The following ITGB2 variants were observed in gnomAD, a reference collection of about 807,000 sequenced individuals.
ITGB2 encodes integrin subunit beta 2.
Under a neutral mutation model 86.8 loss-of-function variants are expected in ITGB2, and 56 were observed. That is an observed-to-expected ratio of 0.65 (90% CI 0.52 to 0.81). The LOEUF (loss-of-function observed/expected upper bound fraction) is 0.81, where lower values mean the gene tolerates loss of function less well. ITGB2 is among the 30% of genes least tolerant of loss of function. ITGB2 has a pLI of 0.00. For missense variants in ITGB2, 948 were observed against 1,061.2 expected (o/e 0.89, Z 1.48); for synonymous variants, 457 against 450.4 (o/e 1.01, Z -0.19).
Position 44,893,456 on chromosome 21 carries a change from G to A in ITGB2, c.1172C>T (p.Thr391Met), listed in dbSNP as rs141201564. The A allele has an allele frequency of 6.3e-4, 1,011 of 1,614,170 alleles. No homozygotes were observed. The highest frequency in any genetic ancestry group is 6.0e-3 in the African/African-American group (451 of 75,056). ...TYDSFCSNGV[T>M]HRNQPRGDCD... Reference sequence around the variant, plus strand: ...GTCACCTCTGGGCTGGTTCCTGTGCGTCACTCCATTGCTGCAGAAGGAGTC... The same window carrying A: ...GTCACCTCTGGGCTGGTTCCTGTGCATCACTCCATTGCTGCAGAAGGAGTC... The change falls in exon 10 of 16, where the codon ACG (threonine) becomes ATG (methionine). Residue 391 changes from threonine to methionine, a missense_variant. Transcript: ENST00000652462.
chr21:44,916,798 G>A (rs995526699), intron 1 of ITGB2, among the ~76,000 whole-genome samples: 13 of 151,784 alleles, frequency 8.6e-5, no homozygotes, highest in African/African-American at 3.1e-4. Flanking sequence ...AGCCCGGGAG[G>A]CAGAGGGTGC....
intron 1 of ITGB2, among the ~76,000 whole-genome samples, chr21:44,920,090 T>C (rs1445956171): frequency 6.6e-6 from 1 of 151,922 alleles, no homozygotes; most frequent in Non-Finnish European, 1.5e-5. Context: ...CACCCAGGGG[T>C]CCCCACGGAG....
upstream of ITGB2, chr21:44,921,189 C>G (rs1416715143): frequency 6.6e-6 from 1 of 152,320 alleles, no homozygotes; most frequent in Non-Finnish European, 1.5e-5. Context: ...AAGAAGAACA[C>G]AGAGGCCATG....
In ITGB2 at chr21:44,890,230, C is replaced by T. The variant is rs375743879; in HGVS notation, c.1413-8G>A. On this transcript the variant is annotated splice_region_variant and splice_polypyrimidine_tract_variant and intron_variant, in intron 11 of 15. Coordinates refer to ENST00000652462, the MANE Select transcript of ITGB2 (RefSeq NM_000211.5). ...ATGTAGCCAGTGTCACACCTGGGGACAGGAGGGGCCCCAAGGTCAGGCTCC... is the reference window on the plus strand; with the variant it reads ...ATGTAGCCAGTGTCACACCTGGGGATAGGAGGGGCCCCAAGGTCAGGCTCC... 930 of 1,612,944 alleles carry T rather than the reference C, an allele frequency of 5.8e-4. No homozygotes were observed. Among genetic ancestry groups the T allele is most frequent in the Non-Finnish European group, 7.1e-4 (843 of 1,179,996 alleles).
intron 2 of ITGB2, 157 bp from the exon 3 acceptor site, chr21:44,910,529 G>A (rs2084114829): frequency 6.7e-7 from 1 of 1,486,778 alleles, no homozygotes; most frequent in Non-Finnish European, 9.2e-7. Flanking sequence ...GTGCAAAGAG[G>A]GGCCCTCGGG....
chr21:44,899,289 G>C (rs1601299845), intron 7 of ITGB2, 127 bp from the exon 8 acceptor site: 1 of 740,156 alleles, frequency 1.4e-6, no homozygotes, highest in East Asian at 2.7e-5. Context: ...GAAGGCTGGA[G>C]AGGCAGAGGC....
intron 7 of ITGB2, among the ~76,000 whole-genome samples, chr21:44,899,800 C>T (rs891273021): frequency 1.5e-4 from 23 of 152,358 alleles, no homozygotes; most frequent in African/African-American, 4.8e-4. Flanking sequence ...GGCTCCTTCT[C>T]GCCTCTGTCC....
At chr21:44,892,358 G>A (rs555513516) in intron 10 of ITGB2, among the ~76,000 whole-genome samples, 3 of 149,598 alleles carry the variant, frequency 2.0e-5, no homozygotes, top group South Asian at 4.3e-4. Context: ...CGCGGCTCAC[G>A]CCTGTAATCC....
intron 1 of ITGB2, among the ~76,000 whole-genome samples, chr21:44,911,950 C>T (rs1298507774): frequency 6.6e-6 from 1 of 152,120 alleles, no homozygotes; most frequent in East Asian, 1.9e-4. Context: ...CCTCCCAGGA[C>T]CTGAGAACAT....
intron 8 of ITGB2, among the ~76,000 whole-genome samples, chr21:44,896,484 G>A (rs924935672): frequency 1.3e-5 from 2 of 152,202 alleles, no homozygotes; most frequent in Non-Finnish European, 2.9e-5. Context: ...CCAGGAACAC[G>A]GAGCAGATGG....
At chr21:44,905,387 A>G (rs183038769) in intron 4 of ITGB2, among the ~76,000 whole-genome samples, 3 of 151,994 alleles carry the variant, frequency 2.0e-5, no homozygotes, top group Non-Finnish European at 4.4e-5. Flanking sequence ...CACAGTGGGG[A>G]TGCATGCCAG....
chr21:44,894,989 G>C lies in ITGB2; in HGVS notation c.1065C>G (p.Leu355=). The C allele has an allele frequency of 6.2e-7, 1 of 1,610,774 alleles. No individual in the cohort carries two copies. The highest frequency in any genetic ancestry group is 8.5e-7 in the Non-Finnish European group (1 of 1,177,046). The change falls in exon 9 of 16, where the codon CTC becomes CTG. Residue 355 remains leucine, a synonymous_variant. Coordinates refer to ENST00000652462, the MANE Select transcript of ITGB2 (RefSeq NM_000211.5). ...GACTCACATTGTAAGCATTCTTAAT[G>C]AGATGGACCACATTGCTGGAGTCCT... ...LSEDSSNVVH[L]IKNAYNKLSS...
chr21:44,905,284 C>T (rs969490187), intron 4 of ITGB2, among the ~76,000 whole-genome samples: 3 of 152,134 alleles, frequency 2.0e-5, no homozygotes, highest in African/African-American at 7.2e-5. Context: ...CTGTTAAGAT[C>T]TCTCCCTGGT....
At chr21:44,888,429 AGTG>A (rs2083730361) in intron 14 of ITGB2, among the ~76,000 whole-genome samples, 1 of 152,122 alleles carries the variant, frequency 6.6e-6, no homozygotes, top group Admixed American at 6.5e-5. Context: ...GGTGTGGAGC[AGTG>A]GTGCCCCCAG....
At chr21:44,907,171 T>C in intron 3 of ITGB2, 76 bp from the exon 4 acceptor site, 12 of 1,133,020 alleles carry the variant, frequency 1.1e-5, no homozygotes, top group Non-Finnish European at 1.5e-5. Context: ...CATGGAGGAC[T>C]GAGGACCCAC....
Position 44,910,279 on chromosome 21 carries a change from C to G in ITGB2, c.147+5G>C. On this transcript the variant is annotated splice_donor_5th_base_variant and intron_variant, in intron 3 of 15. Transcript: ENST00000652462. Reference sequence around the variant, plus strand: ...CAGGTGGGGAGGGGTCCAGGAGGCACTTACCAGCTTCTGGCACCAGGTGCA... The same window carrying G: ...CAGGTGGGGAGGGGTCCAGGAGGCAGTTACCAGCTTCTGGCACCAGGTGCA... The G allele has an allele frequency of 6.2e-7, 1 of 1,613,748 alleles. No individual in the cohort carries two copies. The highest frequency in any genetic ancestry group is 8.5e-7 in the Non-Finnish European group (1 of 1,179,902).
chr21:44,886,679 G>C (rs33973568), intron 15 of ITGB2, 57 bp downstream of exon 15: 1 of 1,605,950 alleles, frequency 6.2e-7, no homozygotes. Flanking sequence ...GCAGGAGGTC[G>C]CATAGTGTGG....
intron 2 of ITGB2, 106 bp downstream of exon 2, chr21:44,910,618 TC>T: frequency 6.9e-7 from 1 of 1,445,000 alleles, no homozygotes; most frequent in Non-Finnish European, 9.6e-7. Context: ...GCAAGGTCCT[TC>T]CCCAGCCTCC....
Position 44,889,397 on chromosome 21 carries a change from G to A in ITGB2, c.1756C>T (p.Arg586Trp), listed in dbSNP as rs5030672. The A allele has an allele frequency of 8.5e-3, 13,632 of 1,612,570 alleles. 128 individuals are homozygous for A. The highest frequency in any genetic ancestry group is 8.2e-3 in the Non-Finnish European group (9,651 of 1,179,732). Residue 586 changes from arginine to tryptophan, a missense_variant, in exon 13 of 16, where the codon CGG becomes TGG. Physicochemically the swap from Arg to Trp is moderately radical, Grantham distance 101. Transcript: ENST00000652462. ...ERTTEGCLNP[R>W]RVECSGRGRC... ...CCACGACCACTACACTCAACACGCC[G>A]CGGGTTCAGGCAGCCCTCAGTGGTC...
Sources: allele counts gnomAD v4.1 joint callset (sites outside exome capture counted in the v4.1 genomes callset), GRCh38; gene constraint gnomAD v4.1.1; transcripts MANE v1.5; gene names NCBI Gene and HGNC (gene_info 2026-07-23, HGNC 2026-07-21).